The following CDH20 variants were observed in gnomAD, a reference collection of about 807,000 sequenced individuals.
CDH20 encodes cadherin 20.
Under a neutral mutation model 74.2 loss-of-function variants are expected in CDH20, and 29 were observed. The observed-to-expected ratio is 0.39, with a 90% CI of 0.29 to 0.53. The LOEUF is 0.53. Ranked by LOEUF, CDH20 falls within the 20% of genes least tolerant of loss-of-function variation. CDH20 has a pLI of 0.69. For synonymous variants in CDH20, 469 were observed against 405.4 expected (o/e 1.16, Z -1.88); for missense variants, 988 against 1,048.3 (o/e 0.94, Z 0.79).
chr18:61,419,014 T>C (rs969984100), intron 1 of CDH20, among the ~76,000 whole-genome samples: 4 of 152,190 alleles, frequency 2.6e-5, no homozygotes, highest in African/African-American at 9.7e-5. Context: ...TTTTAACTGC[T>C]GCATGGTATT....
chr18:61,388,111 A>T (rs1265756195), intron 1 of CDH20, among the ~76,000 whole-genome samples: 1 of 152,142 alleles, frequency 6.6e-6, no homozygotes, highest in Admixed American at 6.6e-5. Context: ...TTCACAGGGG[A>T]AGGAGAAGAT....
intron 1 of CDH20, among the ~76,000 whole-genome samples, chr18:61,442,370 G>GAAAAAA (rs35527064): frequency 2.1e-5 from 3 of 142,276 alleles, no homozygotes; most frequent in Non-Finnish European, 3.0e-5. Context: ...AAAAAGAAAA[G>GAAAAAA]AAAAAAAAAA....
intron 2 of CDH20, among the ~76,000 whole-genome samples, chr18:61,495,240 G>A (rs761909463): frequency 6.6e-5 from 10 of 152,258 alleles, no homozygotes; most frequent in South Asian, 2.1e-4. Context: ...TTATTACACC[G>A]CCAATTTGCT....
chr18:61,334,477 G>A (rs1195381800), intron 1 of CDH20: 1 of 152,424 alleles, frequency 6.6e-6, no homozygotes, highest in Non-Finnish European at 1.5e-5. Flanking sequence ...ACACTCCCAA[G>A]GAAAGCTCTG....
At chr18:61,543,538 T>C (rs1303231913) in intron 9 of CDH20, among the ~76,000 whole-genome samples, 1 of 152,162 alleles carries the variant, frequency 6.6e-6, no homozygotes, top group East Asian at 1.9e-4. Flanking sequence ...ACAGACTTCA[T>C]GCAACTTACT....
At chr18:61,445,498 G>T (rs1909170315) in intron 1 of CDH20, among the ~76,000 whole-genome samples, 1 of 152,078 alleles carries the variant, frequency 6.6e-6, no homozygotes, top group Non-Finnish European at 1.5e-5. Context: ...ACTTCCAAAT[G>T]TCACAACAAT....
At chr18:61,385,547 G>GA (rs80019081) in intron 1 of CDH20, among the ~76,000 whole-genome samples, 1 of 150,330 alleles carries the variant, frequency 6.7e-6, no homozygotes, top group Non-Finnish European at 1.5e-5. Flanking sequence ...ATACCTCAAG[G>GA]AAAAAAAATG....
At chr18:61,542,946 G>A (rs1028032256) in intron 9 of CDH20, among the ~76,000 whole-genome samples, 2 of 152,162 alleles carry the variant, frequency 1.3e-5, no homozygotes, top group African/African-American at 4.8e-5. Flanking sequence ...GGATCCACCT[G>A]GATGACCCCA....
chr18:61,375,218 A>T (rs1911179566), intron 1 of CDH20, among the ~76,000 whole-genome samples: 1 of 152,158 alleles, frequency 6.6e-6, no homozygotes, highest in African/African-American at 2.4e-5. Flanking sequence ...GGTAGCAGAT[A>T]ATCTCCAGGA....
chr18:61,454,448 T>C (rs572754551), intron 1 of CDH20, among the ~76,000 whole-genome samples: 1 of 152,332 alleles, frequency 6.6e-6, no homozygotes, highest in African/African-American at 2.4e-5. Context: ...GAATAAAAAC[T>C]TATTTTCGTT....
Position 61,508,764 on chromosome 18 carries a change from G to A in CDH20, c.1017+1204G>A, listed in dbSNP as rs1426522203. On this transcript the variant is annotated intron_variant, in intron 6 of 11. Coordinates refer to ENST00000262717, the MANE Select transcript of CDH20 (RefSeq NM_031891.4). ...CAATTCTCCTGCTTCAGCCTCCCGA[G>A]TAGCTGGGACTACAGGGGCACACTG... Among the ~76,000 whole-genome samples, 7 of 152,140 alleles carry A rather than the reference G, an allele frequency of 4.6e-5. No homozygotes were observed. The East Asian group carries it at 9.6e-4, about 21-fold the overall frequency.
chr18:61,511,277 T>C (rs1230731673), intron 6 of CDH20, among the ~76,000 whole-genome samples: 7 of 151,708 alleles, frequency 4.6e-5, no homozygotes, highest in African/African-American at 1.7e-4. Flanking sequence ...GGTGGAAGGA[T>C]TGCTTGAGCC....
At chr18:61,527,628 C>T (rs1912475217) in intron 6 of CDH20, among the ~76,000 whole-genome samples, 1 of 152,042 alleles carries the variant, frequency 6.6e-6, no homozygotes. Context: ...TGAGGGGATT[C>T]CTGGGATCTC....
At position 61,414,803 on chromosome 18, in the gene CDH20, A is replaced by G. The variant is rs542502828; in HGVS notation, c.-152-75599A>G. Reference sequence around the variant, plus strand: ...TTAAAATAATTATTAAGAATTTTAAATATTTATAATTGGATAGAATATAAA... The same window carrying G: ...TTAAAATAATTATTAAGAATTTTAAGTATTTATAATTGGATAGAATATAAA... On this transcript the variant is annotated intron_variant, in intron 1 of 11. Coordinates refer to ENST00000262717, the MANE Select transcript of CDH20 (RefSeq NM_031891.4). Among the ~76,000 whole-genome samples the G allele has an allele frequency of 9.4e-4, 143 of 152,106 alleles. 1 individual carries two copies. The highest frequency in any genetic ancestry group is 3.2e-3 in the African/African-American group (135 of 41,542).
intron 2 of CDH20, among the ~76,000 whole-genome samples, chr18:61,496,050 TC>T (rs775102609): frequency 4.7e-4 from 11 of 23,278 alleles, no homozygotes; most frequent in African/African-American, 2.0e-3. Flanking sequence ...TCCCTTCCTC[TC>T]CCCCCTCTCT....
chr18:61,388,146 C>T (rs939233312), intron 1 of CDH20, among the ~76,000 whole-genome samples: 1 of 152,004 alleles, frequency 6.6e-6, no homozygotes, highest in Non-Finnish European at 1.5e-5. Context: ...AAGGAGGAGG[C>T]GCCATGAGGA....
chr18:61,545,503 T>A (rs1382896571), intron 10 of CDH20, among the ~76,000 whole-genome samples: 1 of 152,150 alleles, frequency 6.6e-6, no homozygotes, highest in Non-Finnish European at 1.5e-5. Context: ...GGCAGATGTT[T>A]ACTGAGTGCC....
At chr18:61,501,386 T>C (rs1401234690) in intron 4 of CDH20, among the ~76,000 whole-genome samples, 2 of 152,142 alleles carry the variant, frequency 1.3e-5, no homozygotes, top group Admixed American at 6.5e-5. Flanking sequence ...CTCTTATTAA[T>C]ACTTTCATAA....
At chr18:61,423,364 T>A (rs984310093) in intron 1 of CDH20, among the ~76,000 whole-genome samples, 4 of 151,968 alleles carry the variant, frequency 2.6e-5, no homozygotes, top group African/African-American at 9.7e-5. Flanking sequence ...CTCCTCTAAG[T>A]GTGTCTGAGG....
Sources: gnomAD v4.1 joint callset for allele counts (sites outside exome capture counted in the v4.1 genomes callset) on GRCh38, gnomAD v4.1.1 for gene constraint, MANE v1.5 for transcripts, NCBI Gene and HGNC (gene_info 2026-07-23, HGNC 2026-07-21) for gene names.